The following AKR7A3 variants were observed in gnomAD, a reference collection of about 807,000 sequenced individuals.
AKR7A3 encodes the protein AFB1 aldehyde reductase 2.
Under a neutral mutation model 32.5 loss-of-function variants are expected in AKR7A3, and 37 were observed. The observed-to-expected ratio is 1.14, with a 90% CI of 0.88 to 1.50. The LOEUF (loss-of-function observed/expected upper bound fraction) is 1.50, where lower values mean the gene tolerates loss of function less well. AKR7A3 is among the 40% of genes most tolerant of loss of function. The pLI, the probability that AKR7A3 is intolerant of heterozygous loss-of-function variation, is 0.00. For missense variants in AKR7A3, 412 were observed against 453.2 expected (o/e 0.91, Z 0.83); for synonymous variants, 177 against 188.4 (o/e 0.94, Z 0.50).
chr1:19,279,822 T>C (rs1304761118), downstream of AKR7A3, among the ~76,000 whole-genome samples: 1 of 151,902 alleles, frequency 6.6e-6, no homozygotes, highest in Admixed American at 6.5e-5. Context: ...TTCAAGCTTG[T>C]CCAACCCACG....
chr1:19,276,984 C>T, the AKR7A3 span, among the ~76,000 whole-genome samples: 1 of 151,526 alleles, frequency 6.6e-6, no homozygotes, highest in Non-Finnish European at 1.5e-5. Flanking sequence ...CGTGGTGGCT[C>T]ATGCCTATAA....
downstream of AKR7A3, among the ~76,000 whole-genome samples, chr1:19,277,578 G>A (rs2093713064): frequency 6.6e-6 from 1 of 151,756 alleles, no homozygotes; most frequent in Admixed American, 6.6e-5. Flanking sequence ...CTGGAGTGCA[G>A]TGGTGCGATC....
At chr1:19,274,419 G>A in the AKR7A3 span, among the ~76,000 whole-genome samples, 2 of 151,826 alleles carry the variant, frequency 1.3e-5, no homozygotes, top group Admixed American at 6.5e-5. Context: ...CTGCCCCGTC[G>A]TCCCCCATCC....
In AKR7A3 at chr1:19,285,069, G is replaced by C. The variant is rs778913075; in HGVS notation, c.553C>G (p.Pro185Ala). The C allele has an allele frequency of 1.2e-6, 2 of 1,613,484 alleles. No individual in the cohort carries two copies. Among genetic ancestry groups the C allele is most frequent in the Admixed American group, 3.3e-5 (2 of 60,004 alleles). Residue 185 changes from proline to alanine, a missense_variant, in exon 4 of 7, where the codon CCC becomes GCC. Physicochemically the swap from Pro to Ala is conservative, Grantham distance 27. Transcript: ENST00000361640. ...ITRQVETELF[P>A]CLRHFGLRFY... ...CTCAGTCCAAAGTGCCTGAGGCAGG[G>C]GAAGAGCTCCGTTTCCACCTGCCGG...
downstream of AKR7A3, among the ~76,000 whole-genome samples, chr1:19,277,812 C>CAT: frequency 6.6e-6 from 1 of 152,016 alleles, no homozygotes; most frequent in East Asian, 1.9e-4. Flanking sequence ...TGAGCCACTG[C>CAT]ACCTAGGTGG....
intron 3 of AKR7A3, among the ~76,000 whole-genome samples, chr1:19,285,588 C>T (rs1011383126): frequency 3.3e-5 from 5 of 151,652 alleles, no homozygotes; most frequent in Non-Finnish European, 7.3e-5. Context: ...GTATGTGAGA[C>T]CTGAACCATT....
the AKR7A3 span, among the ~76,000 whole-genome samples, chr1:19,274,911 A>AAAAAAAAAAAAAAAAAAAAAAAC: frequency 4.0e-5 from 6 of 148,304 alleles, no homozygotes; most frequent in East Asian, 1.9e-4. Flanking sequence ...AAAAAAAAAA[A>AAAAAAAAAAAAAAAAAAAAAAAC]AAAAGACCAA....
At chr1:19,280,806 A>G (rs996831776), downstream of AKR7A3, among the ~76,000 whole-genome samples, 8 of 151,706 alleles carry the variant, frequency 5.3e-5, no homozygotes, top group Admixed American at 5.2e-4. Flanking sequence ...TCCTGACCTC[A>G]TGATCCGCCT....
chr1:19,278,485 C>G (rs1387717289), downstream of AKR7A3, among the ~76,000 whole-genome samples: 1 of 151,674 alleles, frequency 6.6e-6, no homozygotes, highest in Non-Finnish European at 1.5e-5. Context: ...TGGTTGAACC[C>G]AGGAGGCGGA....
At chr1:19,288,407 C>A (rs543180051) in intron 1 of AKR7A3, 89 bp downstream of exon 1, 1 of 1,472,684 alleles carries the variant, frequency 6.8e-7, no homozygotes, top group South Asian at 1.3e-5. Context: ...TTGGGTGCTG[C>A]CCCGGGGCCA....
At chr1:19,283,944 T>C (rs2093723340) in intron 6 of AKR7A3, 52 bp downstream of exon 6, 2 of 1,610,352 alleles carry the variant, frequency 1.2e-6, no homozygotes, top group Non-Finnish European at 1.7e-6. Context: ...TCTAAAGATA[T>C]TGCTGGTTCC....
At chr1:19,274,733 C>G in the AKR7A3 span, among the ~76,000 whole-genome samples, 1 of 150,440 alleles carries the variant, frequency 6.6e-6, no homozygotes, top group Non-Finnish European at 1.5e-5. Flanking sequence ...ATCGCCTGAG[C>G]CCAGGAGTTT....
Position 19,288,536 on chromosome 1 carries a change from A to G in AKR7A3, c.174T>C (p.Leu58=). The change falls in exon 1 of 7, where the codon CTT becomes CTC. Residue 58 remains leucine (L), a synonymous_variant. Coordinates refer to ENST00000361640, the MANE Select transcript of AKR7A3 (RefSeq NM_012067.3). ...VYSEGQSETI[L]GGLGLRLGGS... is the part of the protein sequence containing the mutation. ...CGCCCAGCCGGAGCCCCAGGCCGCC[A>G]AGGATGGTCTCGGACTGGCCCTCGC... 1 of 1,608,292 alleles carries G rather than the reference A, an allele frequency of 6.2e-7. No homozygotes were observed. The highest frequency in any genetic ancestry group is 8.5e-7 in the Non-Finnish European group (1 of 1,177,924).
intron 6 of AKR7A3, 147 bp downstream of exon 6, chr1:19,283,849 A>G: frequency 2.2e-6 from 3 of 1,386,750 alleles, no homozygotes; most frequent in Admixed American, 2.6e-5. Flanking sequence ...AAAAACATAG[A>G]AAAAGACCAG....
chr1:19,284,377 C>T (rs1158451756), intron 5 of AKR7A3, among the ~76,000 whole-genome samples: 1 of 151,898 alleles, frequency 6.6e-6, no homozygotes, highest in Admixed American at 6.5e-5. Flanking sequence ...ACACAAAGGC[C>T]GCTAAGATGG....
chr1:19,283,438 C>A (rs1328618793), intron 6 of AKR7A3, among the ~76,000 whole-genome samples: 1 of 151,876 alleles, frequency 6.6e-6, no homozygotes, highest in Non-Finnish European at 1.5e-5. Context: ...GTTTCCTCGT[C>A]AATAACACTG....
downstream of AKR7A3, among the ~76,000 whole-genome samples, chr1:19,281,545 G>A (rs533290394): frequency 6.6e-6 from 1 of 151,904 alleles, no homozygotes; most frequent in Non-Finnish European, 1.5e-5. Context: ...TGTGGCAGGA[G>A]AATCACTTGA....
Position 19,283,995 on chromosome 1 carries a change from C to G in AKR7A3, c.834+1G>C, listed in dbSNP as rs772727900. ...GCTGAGCGCACAGGGTCACTGGTTA[C>G]CTGCAGCTGTGAGTGGTGGTACATC... On this transcript the variant is annotated splice_donor_variant, in intron 6 of 6. Coordinates refer to ENST00000361640, the MANE Select transcript of AKR7A3 (RefSeq NM_012067.3). LOFTEE classifies it high-confidence loss of function. The G allele has an allele frequency of 6.2e-7, 1 of 1,613,148 alleles. No individual in the cohort carries two copies. The highest frequency in any genetic ancestry group is 2.2e-5 in the East Asian group (1 of 44,884).
At chr1:19,285,818 A>T in intron 3 of AKR7A3, 70 bp downstream of exon 3, 1 of 1,586,376 alleles carries the variant, frequency 6.3e-7, no homozygotes, top group Non-Finnish European at 8.6e-7. Flanking sequence ...GGGGGCAGTC[A>T]GAGGGGCAAA....
Sources: gnomAD v4.1 joint callset for allele counts (sites outside exome capture counted in the v4.1 genomes callset) on GRCh38, gnomAD v4.1.1 for gene constraint, MANE v1.5 for transcripts, NCBI Gene and HGNC (gene_info 2026-07-23, HGNC 2026-07-21) for gene names.